The following TMEM163 variants were observed in gnomAD, a reference collection of about 807,000 sequenced individuals.
TMEM163 encodes transmembrane protein 163.
In TMEM163, 17 loss-of-function variants were observed where a neutral mutation model predicts 29.3. That is an observed-to-expected ratio of 0.58 (90% confidence interval 0.40 to 0.87). The LOEUF is 0.87. Ranked by LOEUF, TMEM163 falls within the 40% of genes least tolerant of loss-of-function variation. The pLI is 0.00. For missense variants in TMEM163, 303 were observed against 381.5 expected (o/e 0.79, Z 1.71); for synonymous variants, 157 against 160.6 (o/e 0.98, Z 0.17).
intron 2 of TMEM163, among the ~76,000 whole-genome samples, chr2:134,678,880 C>T (rs963857255): frequency 6.6e-6 from 1 of 152,238 alleles, no homozygotes; most frequent in Non-Finnish European, 1.5e-5. Flanking sequence ...ATAAGCTACA[C>T]TTTAATGAGG....
At chr2:134,465,189 T>TAAAAAAAAAAAAAAAA (rs1181405890) in intron 6 of TMEM163, among the ~76,000 whole-genome samples, 4 of 117,692 alleles carry the variant, frequency 3.4e-5, no homozygotes, top group African/African-American at 1.5e-4. Flanking sequence ...TCCGCATCTT[T>TAAAAAAAAAAAAAAAA]AAAAAAAAAA....
chr2:134,561,429 C>G (rs1209252145), intron 2 of TMEM163, among the ~76,000 whole-genome samples: 1 of 151,382 alleles, frequency 6.6e-6, no homozygotes, highest in Admixed American at 6.6e-5. Flanking sequence ...AGAATGGTCT[C>G]GATCTACTGA....
At chr2:134,578,249 C>A (rs556511150) in intron 2 of TMEM163, among the ~76,000 whole-genome samples, 26 of 152,236 alleles carry the variant, frequency 1.7e-4, no homozygotes, top group African/African-American at 6.0e-4. Context: ...AAGAAAAGTC[C>A]ACTTACAGAT....
intron 5 of TMEM163, among the ~76,000 whole-genome samples, chr2:134,487,139 CTAA>C (rs1173315899): frequency 1.3e-5 from 2 of 151,682 alleles, no homozygotes; most frequent in African/African-American, 2.4e-5. Flanking sequence ...AAAACCTTGG[CTAA>C]TAAGAAACAA....
intron 4 of TMEM163, among the ~76,000 whole-genome samples, chr2:134,506,751 C>A (rs1679832899): frequency 6.6e-6 from 1 of 152,230 alleles, no homozygotes; most frequent in Admixed American, 6.5e-5. Flanking sequence ...GAGTCAGGAG[C>A]AAACAGTGCA....
At chr2:134,588,848 G>C (rs114335449) in intron 2 of TMEM163, among the ~76,000 whole-genome samples, 40 of 152,196 alleles carry the variant, frequency 2.6e-4, no homozygotes, top group South Asian at 1.5e-3. Flanking sequence ...AAAACGTTGG[G>C]GGGGGAAGAG....
chr2:134,488,983 T>C (rs1041985234), intron 5 of TMEM163, among the ~76,000 whole-genome samples: 3 of 152,122 alleles, frequency 2.0e-5, no homozygotes, highest in Non-Finnish European at 2.9e-5. Flanking sequence ...TGTGGTAACA[T>C]TCTGAGAACA....
intron 6 of TMEM163, among the ~76,000 whole-genome samples, chr2:134,462,139 G>C (rs770571817): frequency 4.1e-5 from 6 of 145,840 alleles, no homozygotes; most frequent in Non-Finnish European, 8.9e-5. Flanking sequence ...GCTCGGGGGC[G>C]GGGGGCATTG....
At chr2:134,550,754 C>T (rs1680899703) in intron 3 of TMEM163, 93 bp from the exon 4 acceptor site, 5 of 1,202,584 alleles carry the variant, frequency 4.2e-6, no homozygotes, top group Non-Finnish European at 3.7e-6. Context: ...CTCAGAACAT[C>T]TGCATGAGTA....
At chr2:134,684,718 G>A in intron 2 of TMEM163, among the ~76,000 whole-genome samples, 1 of 152,180 alleles carries the variant, frequency 6.6e-6, no homozygotes, top group South Asian at 2.1e-4. Flanking sequence ...GAGGTCAGGA[G>A]ATTGAGACCA....
At chr2:134,527,809 A>T (rs1282970296) in intron 4 of TMEM163, among the ~76,000 whole-genome samples, 1 of 152,252 alleles carries the variant, frequency 6.6e-6, no homozygotes, top group Non-Finnish European at 1.5e-5. Flanking sequence ...GGAACATACG[A>T]AAATAATTAG....
intron 2 of TMEM163, among the ~76,000 whole-genome samples, chr2:134,597,489 T>C (rs2104807228): frequency 6.6e-6 from 1 of 152,330 alleles, no homozygotes; most frequent in Non-Finnish European, 1.5e-5. Context: ...GGATGAGCTT[T>C]TTGATGTGCT....
chr2:134,588,795 A>T (rs894813927), intron 2 of TMEM163, among the ~76,000 whole-genome samples: 26 of 152,190 alleles, frequency 1.7e-4, no homozygotes, highest in African/African-American at 5.8e-4. Flanking sequence ...TGATCATGTC[A>T]GAATCAAGAA....
chr2:134,516,652 TAC>T (rs1190437939), intron 4 of TMEM163, among the ~76,000 whole-genome samples: 1 of 147,888 alleles, frequency 6.8e-6, no homozygotes. Flanking sequence ...CTTATATTCA[TAC>T]ATATATTCAT....
chr2:134,486,239 T>A (rs7571581), intron 5 of TMEM163, among the ~76,000 whole-genome samples: 17,495 of 152,264 alleles, frequency 0.11, 1,244 homozygotes, highest in South Asian at 0.2. Flanking sequence ...AAGTGCCAAC[T>A]GCTAAAACCA....
chr2:134,475,277 C>T (rs1686889036), intron 5 of TMEM163, among the ~76,000 whole-genome samples: 1 of 152,052 alleles, frequency 6.6e-6, no homozygotes, highest in Admixed American at 6.5e-5. Flanking sequence ...AATGTAAAGT[C>T]TTTACAACTA....
chr2:134,580,677 C>T (rs995856996), intron 2 of TMEM163, among the ~76,000 whole-genome samples: 3 of 152,106 alleles, frequency 2.0e-5, no homozygotes, highest in East Asian at 1.9e-4. Flanking sequence ...TTTGGGAGGC[C>T]GAGCCAGGTG....
chr2:134,561,198 A>G (rs1341654536), intron 2 of TMEM163, among the ~76,000 whole-genome samples: 1 of 152,126 alleles, frequency 6.6e-6, no homozygotes, highest in African/African-American at 2.4e-5. Flanking sequence ...AAGTTCTTTT[A>G]TTATTATTAT....
At chr2:134,674,807 A>G (rs1283461612) in intron 2 of TMEM163, among the ~76,000 whole-genome samples, 1 of 152,224 alleles carries the variant, frequency 6.6e-6, no homozygotes, top group African/African-American at 2.4e-5. Flanking sequence ...ACAACCTTAC[A>G]TTAAAAATAC....
Sources: gnomAD v4.1 joint callset for allele counts (sites outside exome capture counted in the v4.1 genomes callset) on GRCh38, gnomAD v4.1.1 for gene constraint, MANE v1.5 for transcripts, NCBI Gene and HGNC (gene_info 2026-07-23, HGNC 2026-07-21) for gene names.